The following SV2C variants were observed in gnomAD, a reference collection of about 807,000 sequenced individuals.
The protein encoded by SV2C is synaptic vesicle glycoprotein 2C.
Under a neutral mutation model 79.7 loss-of-function variants are expected in SV2C, and 49 were observed. That is an observed-to-expected ratio of 0.61 (90% CI 0.49 to 0.78). The LOEUF is 0.78. Ranked by LOEUF, SV2C falls within the 30% of genes least tolerant of loss-of-function variation. The pLI, the probability that SV2C is intolerant of heterozygous loss-of-function variation, is 0.00. For missense variants in SV2C, 833 were observed against 912.9 expected (o/e 0.91, Z 1.13); for synonymous variants, 334 against 333.2 (o/e 1.00, Z -0.03).
At chr5:75,947,021 A>T in the SV2C span, among the ~76,000 whole-genome samples, 1 of 152,138 alleles carries the variant, frequency 6.6e-6, no homozygotes, top group African/African-American at 2.4e-5. Flanking sequence ...CTGGTCAGTG[A>T]CCATGCCTTC....
the SV2C span, among the ~76,000 whole-genome samples, chr5:75,920,150 G>A: frequency 1.3e-5 from 2 of 152,318 alleles, no homozygotes; most frequent in Non-Finnish European, 2.9e-5. Context: ...AGGGGGCTAA[G>A]GGCACAGAAG....
the SV2C span, among the ~76,000 whole-genome samples, chr5:76,052,047 A>C: frequency 2.6e-5 from 4 of 152,304 alleles, no homozygotes; most frequent in African/African-American, 7.2e-5. Flanking sequence ...AATCCAGGTC[A>C]TCTCCCAAAG....
Position 76,133,735 on chromosome 5 carries a change from C to T in SV2C, c.580+1405C>T, listed in dbSNP as rs920407975. On this transcript the variant is annotated intron_variant, in intron 2 of 12. Coordinates refer to ENST00000502798, the MANE Select transcript of SV2C (RefSeq NM_014979.4). ...CAGAGGAGGGTCCTTGGTCATTTGTCAAATTGATCATCTCAGCAGACTGGT... is the reference window on the plus strand; with the variant it reads ...CAGAGGAGGGTCCTTGGTCATTTGTTAAATTGATCATCTCAGCAGACTGGT... Among the ~76,000 whole-genome samples, 10 of 152,268 alleles carry T rather than the reference C, an allele frequency of 6.6e-5. No homozygotes were observed. The East Asian group carries it at 1.9e-3, about 29-fold the overall frequency.
At chr5:76,040,477 GC>G in the SV2C span, among the ~76,000 whole-genome samples, 1 of 152,282 alleles carries the variant, frequency 6.6e-6, no homozygotes, top group East Asian at 1.9e-4. Flanking sequence ...ATGCAAAAAT[GC>G]CCTTCATGTG....
At chr5:75,853,373 G>A in the SV2C span, among the ~76,000 whole-genome samples, 4 of 151,754 alleles carry the variant, frequency 2.6e-5, no homozygotes, top group East Asian at 1.9e-4. Context: ...TGGCTAACAC[G>A]GTGAAACCCT....
intron 4 of SV2C, among the ~76,000 whole-genome samples, chr5:76,263,544 G>T (rs920789596): frequency 6.6e-6 from 1 of 152,114 alleles, no homozygotes; most frequent in Non-Finnish European, 1.5e-5. Flanking sequence ...AGTTGATGCA[G>T]ATTTTTCATG....
intron 4 of SV2C, among the ~76,000 whole-genome samples, chr5:76,264,447 C>T (rs1355242190): frequency 2.0e-5 from 3 of 152,068 alleles, no homozygotes; most frequent in African/African-American, 7.2e-5. Flanking sequence ...ATTCATCAAA[C>T]TCATTGTCTA....
At chr5:75,920,389 C>A in the SV2C span, among the ~76,000 whole-genome samples, 1 of 152,122 alleles carries the variant, frequency 6.6e-6, no homozygotes, top group Non-Finnish European at 1.5e-5. Context: ...GTCTTGTCAT[C>A]AAAAATAAAT....
At chr5:76,324,656 CA>C (rs1296473258) in intron 12 of SV2C, among the ~76,000 whole-genome samples, 2 of 151,472 alleles carry the variant, frequency 1.3e-5, no homozygotes, top group African/African-American at 4.9e-5. Flanking sequence ...CCAGCCAGGG[CA>C]ACGCAGGAGG....
chr5:75,924,887 T>C, the SV2C span, among the ~76,000 whole-genome samples: 2 of 152,108 alleles, frequency 1.3e-5, no homozygotes, highest in African/African-American at 4.8e-5. Flanking sequence ...ATCTAGAAGC[T>C]AGTACAAAAC....
chr5:76,325,453 A>G lies in SV2C; in HGVS notation c.2090A>G (p.Lys697Arg). 6.8e-6 allele frequency: 11 copies of G among 1,614,138 alleles called. No homozygotes were observed. Among genetic ancestry groups the G allele is most frequent in the Non-Finnish European group, 9.3e-6 (11 of 1,180,030 alleles). Reference sequence around the variant, plus strand: ...TTTGGCTCTCTGGTCAGCATCACCAAATCAATCCCCATCCTGCTGGCTTCT... The same window carrying G: ...TTTGGCTCTCTGGTCAGCATCACCAGATCAATCCCCATCCTGCTGGCTTCT... Reference protein sequence around the residue: ...LIFGSLVSITKSIPILLASTV... With the variant: ...LIFGSLVSITRSIPILLASTV... Residue 697 changes from lysine to arginine, a missense_variant, in exon 13 of 13, where the codon AAA becomes AGA. Coordinates refer to ENST00000502798, the MANE Select transcript of SV2C (RefSeq NM_014979.4).
intron 9 of SV2C, chr5:76,296,196 T>G (rs1747751974): frequency 1.3e-5 from 3 of 233,962 alleles, no homozygotes; most frequent in Admixed American, 1.1e-4. Flanking sequence ...TTGACTGGTG[T>G]GGAAGGAAAA....
chr5:76,050,631 T>C, the SV2C span, among the ~76,000 whole-genome samples: 1 of 145,452 alleles, frequency 6.9e-6, no homozygotes, highest in Non-Finnish European at 1.5e-5. Flanking sequence ...TCTACCACCT[T>C]AGTACTCTCT....
At chr5:76,247,654 G>A (rs181607390) in intron 4 of SV2C, among the ~76,000 whole-genome samples, 4 of 152,260 alleles carry the variant, frequency 2.6e-5, no homozygotes, top group Admixed American at 6.5e-5. Flanking sequence ...ATACAACATC[G>A]GGGAACTAGG....
chr5:75,910,410 G>A, the SV2C span: 15 of 592,368 alleles, frequency 2.5e-5, no homozygotes, highest in South Asian at 2.1e-4. Context: ...ATTTCCTGCA[G>A]GGTTTCTGAT....
chr5:76,247,226 AGAG>A (rs1286023242), intron 4 of SV2C, among the ~76,000 whole-genome samples: 1 of 152,258 alleles, frequency 6.6e-6, no homozygotes, highest in African/African-American at 2.4e-5. Context: ...CAAATGCTAC[AGAG>A]GAGAGGAAAT....
the SV2C span, among the ~76,000 whole-genome samples, chr5:75,927,610 G>C: frequency 6.6e-6 from 1 of 152,086 alleles, no homozygotes; most frequent in Non-Finnish European, 1.5e-5. Context: ...ATATGGTATT[G>C]CATACTTCTA....
the SV2C span, among the ~76,000 whole-genome samples, chr5:75,852,352 TA>T: frequency 6.6e-6 from 1 of 151,642 alleles, no homozygotes; most frequent in South Asian, 2.1e-4. Flanking sequence ...GTTAAATAAA[TA>T]CACAAAAAAT....
chr5:75,877,847 A>T, the SV2C span, among the ~76,000 whole-genome samples: 10 of 151,928 alleles, frequency 6.6e-5, no homozygotes, highest in Non-Finnish European at 1.2e-4. Context: ...TTATTTTTTG[A>T]CTTTTTAATC....
Sources: gnomAD v4.1 joint callset for allele counts (sites outside exome capture counted in the v4.1 genomes callset) on GRCh38, gnomAD v4.1.1 for gene constraint, MANE v1.5 for transcripts, NCBI Gene and HGNC (gene_info 2026-07-23, HGNC 2026-07-21) for gene names.